The following NR1D2 variants were observed in gnomAD, a reference collection of about 807,000 sequenced individuals.
NR1D2 encodes nuclear receptor subfamily 1 group D member 2, also known as V-erbA-related protein 1-related.
In NR1D2, 25 loss-of-function variants were observed where a neutral mutation model predicts 52.2. The ratio of observed to expected loss-of-function variants is 0.48; its 90% CI spans 0.35 to 0.67. The LOEUF is 0.67. NR1D2 is among the 30% of genes least tolerant of loss of function. NR1D2 has a pLI of 0.01. For missense variants in NR1D2, 681 were observed against 707.2 expected (o/e 0.96, Z 0.42); for synonymous variants, 259 against 230.1 (o/e 1.13, Z -1.14).
rs1462850560 is a variant in NR1D2 at position 23,959,826 on chromosome 3, A to C, written c.517+11A>C. The C allele has an allele frequency of 1.2e-6, 2 of 1,608,326 alleles. No homozygotes were observed. The highest frequency in any genetic ancestry group is 1.7e-6 in the Non-Finnish European group (2 of 1,177,604). ...GAATGTCAAGAGATGGTATGTTCCC[A>C]GTTTAAAGAGTGTTCCTAAAGTGTA... On this transcript the variant is annotated intron_variant, in intron 4 of 7. Transcript: ENST00000312521.
chr3:23,962,575 C>T lies in NR1D2; in HGVS notation c.1116C>T (p.Tyr372=), dbSNP rs1347848938. 1 of 1,610,656 alleles carries T rather than the reference C, an allele frequency of 6.2e-7. No individual in the cohort carries two copies. The highest frequency in any genetic ancestry group is 8.5e-7 in the Non-Finnish European group (1 of 1,177,440). Residue 372 remains tyrosine, a synonymous_variant, in exon 5 of 8, where the codon TAC becomes TAT. Transcript: ENST00000312521. ...CTCAGAATGAGAACAAGAATAGTTA[C>T]CTGTGCAACACTGGAGGAAGAATGC... is the stretch of plus-strand genomic sequence containing the variant. ...GFSQNENKNS[Y]LCNTGGRMHL... is the part of the protein sequence containing the mutation.
intron 1 of NR1D2, chr3:23,946,221 A>G: frequency 3.0e-6 from 3 of 985,430 alleles, no homozygotes; most frequent in Non-Finnish European, 3.6e-6. Flanking sequence ...CTGACACCGC[A>G]GTGCACCGGA....
intron 3 of NR1D2, among the ~76,000 whole-genome samples, 166 bp from the exon 4 acceptor site, chr3:23,959,505 T>A (rs1706180734): frequency 6.6e-6 from 1 of 152,100 alleles, no homozygotes. Flanking sequence ...ATTCTGTGTG[T>A]CAACATTGTA....
At position 23,979,709 on chromosome 3, in the gene NR1D2, T is replaced by G. The variant is rs1706827114; in HGVS notation, c.*2290T>G. On this transcript the variant is annotated 3_prime_UTR_variant, in exon 8 of 8. Coordinates refer to ENST00000312521, the MANE Select transcript of NR1D2 (RefSeq NM_005126.5). ...TTTGAAAGTAGCCCAATATAAAACTTTTGATTCTAAAATTAAACCAGCAGC... is the reference window on the plus strand; with the variant it reads ...TTTGAAAGTAGCCCAATATAAAACTGTTGATTCTAAAATTAAACCAGCAGC... 2 of 152,070 alleles carry G rather than the reference T, an allele frequency of 1.3e-5. No individual in the cohort carries two copies. The highest frequency in any genetic ancestry group is 1.3e-4 in the Admixed American group (2 of 15,272). The allele number at this position is 152,070 out of a possible 1,614,324, so 9.4% of individuals were successfully genotyped here.
intron 7 of NR1D2, among the ~76,000 whole-genome samples, chr3:23,971,964 A>G (rs933826980): frequency 6.6e-6 from 1 of 152,366 alleles, no homozygotes; most frequent in South Asian, 2.1e-4. Flanking sequence ...ATGGTAAAGA[A>G]TAATGGAAAC....
intron 5 of NR1D2, chr3:23,963,414 T>C (rs1706340151): frequency 8.1e-7 from 1 of 1,227,620 alleles, no homozygotes; most frequent in Non-Finnish European, 1.0e-6. Flanking sequence ...CTTGGAGTTA[T>C]TTGATTCTGT....
chr3:23,956,670 T>A (rs1706088848), intron 3 of NR1D2, among the ~76,000 whole-genome samples: 1 of 152,226 alleles, frequency 6.6e-6, no homozygotes, highest in Non-Finnish European at 1.5e-5. Context: ...GAAAGCTAGT[T>A]TATTTGTAAG....
In NR1D2 at chr3:23,979,183, A is replaced by G. The variant is rs1481715163; in HGVS notation, c.*1764A>G. ...GTTAAGTAAGTTAAAAAAAAGTTAA[A>G]CCCTCTCATTATTAAAGAGGAAAGG... On this transcript the variant is annotated 3_prime_UTR_variant, in exon 8 of 8. Transcript: ENST00000312521. The G allele has an allele frequency of 6.6e-6, 1 of 152,074 alleles. No homozygotes were observed. The highest frequency in any genetic ancestry group is 1.9e-4 in the East Asian group (1 of 5,198). 9.4% of individuals were successfully genotyped at this position (152,074 alleles called of 1,614,324 possible). A position where few individuals can be genotyped will look rare whatever the true frequency, so the allele number is the denominator to read the frequency against.
intron 5 of NR1D2, 30 bp from the exon 6 acceptor site, chr3:23,964,947 T>G (rs771359080): frequency 6.9e-7 from 1 of 1,441,344 alleles, no homozygotes; most frequent in South Asian, 1.2e-5. Flanking sequence ...CTCTTAGTAT[T>G]TAAGAGTTTT....
chr3:23,949,882 C>A (rs539434888), intron 1 of NR1D2, among the ~76,000 whole-genome samples: 2 of 152,282 alleles, frequency 1.3e-5, no homozygotes, highest in South Asian at 2.1e-4. Context: ...GGTAAGAAGA[C>A]CCCAATATAT....
chr3:23,958,908 C>T (rs1706158003), intron 3 of NR1D2, among the ~76,000 whole-genome samples: 1 of 152,130 alleles, frequency 6.6e-6, no homozygotes, highest in Non-Finnish European at 1.5e-5. Flanking sequence ...GAGATCGCAC[C>T]ACTGCACTCC....
At chr3:23,954,947 G>C (rs1575148513) in intron 2 of NR1D2, 144 bp downstream of exon 2, 4 of 722,834 alleles carry the variant, frequency 5.5e-6, no homozygotes, top group Non-Finnish European at 9.1e-6. Context: ...AGTTAGGGAA[G>C]AAATCAGTGA....
chr3:23,953,342 CAAAAAAAAAAAA>C (rs55698030), intron 1 of NR1D2, among the ~76,000 whole-genome samples: 22 of 52,454 alleles, frequency 4.2e-4, no homozygotes, highest in Non-Finnish European at 3.9e-4. Flanking sequence ...GACTCTGTCT[CAAAAAAAAAAAA>C]AAAAAAAAAA....
intron 6 of NR1D2, among the ~76,000 whole-genome samples, chr3:23,966,850 T>C (rs955331947): frequency 3.3e-5 from 5 of 152,002 alleles, no homozygotes; most frequent in Non-Finnish European, 5.9e-5. Context: ...GGCAACATGG[T>C]GAAACCCTGT....
chr3:23,945,728 C>G, intron 1 of NR1D2, 134 bp downstream of exon 1: 1 of 597,248 alleles, frequency 1.7e-6, no homozygotes, highest in Non-Finnish European at 2.3e-6. Context: ...GCCGCGTGTC[C>G]GCCTCTGGCT....
At chr3:23,970,862 A>G (rs1366040288) in intron 7 of NR1D2, among the ~76,000 whole-genome samples, 2 of 151,396 alleles carry the variant, frequency 1.3e-5, no homozygotes, top group East Asian at 1.9e-4. Flanking sequence ...GTTCACCGCA[A>G]CCTCCCTCTC....
At chr3:23,975,421 G>A (rs1374646428) in intron 7 of NR1D2, among the ~76,000 whole-genome samples, 3 of 152,038 alleles carry the variant, frequency 2.0e-5, no homozygotes, top group Middle Eastern at 3.2e-3. Flanking sequence ...ACCATGCCTG[G>A]CCTTTTTTTC....
At chr3:23,964,796 G>T (rs2125292935) in intron 5 of NR1D2, 181 bp from the exon 6 acceptor site, 2 of 478,008 alleles carry the variant, frequency 4.2e-6, no homozygotes, top group East Asian at 6.5e-5. Context: ...ATATTAGGTT[G>T]CCAAGAGGCT....
Position 23,962,294 on chromosome 3 carries a change from A to G in NR1D2, c.835A>G (p.Met279Val). ...GCAGCAAGAAAACTCAGCTGAGAGC[A>G]TGCAGCCCCAGAGAGGAGAACGGAT... ...QEQQENSAESMQPQRGERIPK... is the reference protein window; with the variant it reads ...QEQQENSAESVQPQRGERIPK... Residue 279 changes from methionine to valine, a missense_variant, in exon 5 of 8, where the codon ATG becomes GTG. Met to Val is a conservative substitution (Grantham distance 21). Around this residue, in one of 3 missense-constraint regions of NR1D2, gnomAD observed 475 missense variants for 454.5 expected, o/e 1.05. Transcript: ENST00000312521. 2.5e-6 allele frequency: 4 copies of G among 1,614,258 alleles called. No homozygotes were observed. The highest frequency in any genetic ancestry group is 1.1e-5 in the South Asian group (1 of 91,088).
Sources: gnomAD v4.1 joint callset for allele counts (sites outside exome capture counted in the v4.1 genomes callset) on GRCh38, gnomAD v4.1.1 for gene constraint, gnomAD v4.1.1 regional missense constraint, MANE v1.5 for transcripts, NCBI Gene and HGNC (gene_info 2026-07-23, HGNC 2026-07-21) for gene names.